Variants in SNN observed in about 807,000 individuals in gnomAD.
The protein encoded by SNN is stannin.
In SNN, 5 loss-of-function variants were observed where a neutral mutation model predicts 5.3. That is an observed-to-expected ratio of 0.94 (90% confidence interval 0.49 to 1.97). The LOEUF is 1.97. Among genes scored for constraint, SNN ranks in the 30% most tolerant of loss-of-function variants. The pLI is 0.01. For missense variants in SNN, 127 were observed against 121.6 expected, an observed-to-expected ratio of 1.04 and a Z score of -0.21; for synonymous variants, 67 against 52.1, an observed-to-expected ratio of 1.29 and a Z score of -1.24.
At chr16:11,675,410 C>G (rs8045300) in intron 1 of SNN, among the ~76,000 whole-genome samples, 86,724 of 151,710 alleles carry the variant, frequency 0.57, 25,335 homozygotes, top group African/African-American at 0.66. Flanking sequence ...TGGGATTACA[C>G]GCATGTGCCA....
rs1407108662 is a variant in SNN at position 11,676,071 on chromosome 16, G to A, written c.12G>A (p.Met4Ile). 1.2e-6 allele frequency: 2 copies of A among 1,605,684 alleles called. No homozygotes were observed. Among genetic ancestry groups the A allele is most frequent in the Non-Finnish European group, 1.7e-6 (2 of 1,174,782 alleles). Residue 4 changes from methionine to isoleucine, a missense_variant, in exon 2 of 2, where the codon ATG becomes ATA. Coordinates refer to ENST00000329565, the MANE Select transcript of SNN (RefSeq NM_003498.6). MSI[M>I]DHSPTTGVVT... ...CCCCAGCACTGACCATGTCTATTAT[G>A]GACCACAGCCCCACCACGGGCGTGG...
At chr16:11,675,258 C>CTTTTTTTTTTTTTTTTTTTTTTTT (rs769141223) in intron 1 of SNN, among the ~76,000 whole-genome samples, 2 of 125,310 alleles carry the variant, frequency 1.6e-5, no homozygotes, top group Non-Finnish European at 3.4e-5. Flanking sequence ...TTTTTTTTTT[C>CTTTTTTTTTTTTTTTTTTTTTTTT]TTTTTTTTTT....
In SNN at chr16:11,676,496, G is replaced by C; in HGVS notation, c.*170G>C. 1.2e-6 allele frequency: 1 copy of C among 826,408 alleles called. No individual in the cohort carries two copies. Among genetic ancestry groups the C allele is most frequent in the South Asian group, 1.8e-5 (1 of 54,470 alleles). The allele number at this position is 826,408 out of a possible 1,614,324, so 51.2% of individuals were successfully genotyped here. Reference sequence around the variant, plus strand: ...ATGCCCGGGGACCTGGCTGTCCTGGGCTTCCCCTCGGCCTCCAGGTGAGGC... The same window carrying C: ...ATGCCCGGGGACCTGGCTGTCCTGGCCTTCCCCTCGGCCTCCAGGTGAGGC... On this transcript the variant is annotated 3_prime_UTR_variant, in exon 2 of 2. Transcript: ENST00000329565.
rs563442368 is a variant in SNN, at chr16:11,675,765, C to T, written c.-85-210C>T. ...GCAGTGTTCCCGGCTCTGCCGCCAGCGAGGGTGACTCACCTGCCTGGTACA... is the reference window on the plus strand; with the variant it reads ...GCAGTGTTCCCGGCTCTGCCGCCAGTGAGGGTGACTCACCTGCCTGGTACA... On this transcript the variant is annotated intron_variant, in intron 1 of 1. Transcript: ENST00000329565. 2.0e-4 allele frequency among the ~76,000 whole-genome samples: 31 copies of T among 152,288 alleles called. No homozygotes were observed. The South Asian group carries it at 2.3e-3, about 11-fold the overall frequency.
rs1330181142 is a variant in SNN, at chr16:11,677,246, AG to A, written c.*922del. The stretch of plus-strand genomic sequence containing the variant: ...TTTTGGTCTGAAACCCACTTGGCCC[AG>A]GAAAGAGAAAAGGTTGTATGTTTTG... On this transcript the variant is annotated 3_prime_UTR_variant, in exon 2 of 2. Coordinates refer to ENST00000329565, the MANE Select transcript of SNN (RefSeq NM_003498.6). The surrounding 1 kb of genome is among the most constrained non-coding windows in gnomAD (Gnocchi z 4.2). 1.2e-5 allele frequency: 2 copies of A among 167,270 alleles called. No individual in the cohort carries two copies. The highest frequency in any genetic ancestry group is 2.4e-5 in the African/African-American group (1 of 41,468). The allele number at this position is 167,270 out of a possible 1,614,324, so 10.4% of individuals were successfully genotyped here. A position where few individuals can be genotyped will look rare whatever the true frequency, so the allele number is the denominator to read the frequency against.
At chr16:11,675,544 G>C (rs2141940922) in intron 1 of SNN, among the ~76,000 whole-genome samples, 1 of 152,236 alleles carries the variant, frequency 6.6e-6, no homozygotes, top group South Asian at 2.1e-4. Flanking sequence ...TGGAATTACA[G>C]GCATGAGTCA....
intron 1 of SNN, among the ~76,000 whole-genome samples, chr16:11,670,027 G>A (rs948992897): frequency 2.6e-5 from 4 of 152,196 alleles, no homozygotes; most frequent in Non-Finnish European, 4.4e-5. Flanking sequence ...TGTGTGATGC[G>A]TCCTTGTGTC....
At position 11,671,801 on chromosome 16, in the gene SNN, C is replaced by T. The variant is rs1220880126; in HGVS notation, c.-86+3261C>T. On this transcript the variant is annotated intron_variant, in intron 1 of 1. Coordinates refer to ENST00000329565, the MANE Select transcript of SNN (RefSeq NM_003498.6). The surrounding 1 kb of genome is among the most constrained non-coding windows in gnomAD (Gnocchi z 4.7). Reference sequence around the variant, plus strand: ...GGAAGAACAGACAGGTGGGGTCCAGCCAGGCACAGGGGCTTGTGGGGACCT... The same window carrying T: ...GGAAGAACAGACAGGTGGGGTCCAGTCAGGCACAGGGGCTTGTGGGGACCT... Among the ~76,000 whole-genome samples the T allele has an allele frequency of 6.6e-6, 1 of 152,180 alleles. No homozygotes were observed. The highest frequency in any genetic ancestry group is 1.5e-5 in the Non-Finnish European group (1 of 68,038).
Position 11,677,714 on chromosome 16 carries a change from AATTTT to A in SNN, c.*1393_*1397del, listed in dbSNP as rs1387572688. On this transcript the variant is annotated 3_prime_UTR_variant, in exon 2 of 2. Coordinates refer to ENST00000329565, the MANE Select transcript of SNN (RefSeq NM_003498.6). This position sits in a 1 kb window ranked among gnomAD's most constrained non-coding sequence, Gnocchi z 4.2. Reference sequence around the variant, plus strand: ...TTTAATCCCACCACAAGCACATACTAATTTTATTTATGATTCAAATGTGACTCGTG... The same window carrying A: ...TTTAATCCCACCACAAGCACATACTAATTTATGATTCAAATGTGACTCGTG... The A allele has an allele frequency of 4.2e-5, 7 of 166,944 alleles. No homozygotes were observed. The highest frequency in any genetic ancestry group is 1.3e-4 in the Admixed American group (2 of 15,284). 10.3% of individuals were successfully genotyped at this position (166,944 alleles called of 1,614,324 possible). A position where few individuals can be genotyped will look rare whatever the true frequency, so the allele number is the denominator to read the frequency against.
intron 1 of SNN, among the ~76,000 whole-genome samples, chr16:11,673,874 A>AT (rs1470010861): frequency 4.6e-5 from 7 of 152,106 alleles, no homozygotes; most frequent in Admixed American, 1.3e-4. Flanking sequence ...GGGCAGGGAG[A>AT]TCCTTAGCGC....
intron 1 of SNN, among the ~76,000 whole-genome samples, chr16:11,673,939 C>T (rs1218105893): frequency 6.6e-6 from 1 of 152,210 alleles, no homozygotes; most frequent in Non-Finnish European, 1.5e-5. Context: ...GGAGGGAGGG[C>T]ACCTCCTCTG....
chr16:11,673,424 G>C (rs2050278579), intron 1 of SNN, among the ~76,000 whole-genome samples: 1 of 152,198 alleles, frequency 6.6e-6, no homozygotes, highest in African/African-American at 2.4e-5. Flanking sequence ...CTGCTCCGGA[G>C]GGAAGGAGCC....
chr16:11,674,337 G>A (rs1688956313), intron 1 of SNN, among the ~76,000 whole-genome samples: 1 of 152,206 alleles, frequency 6.6e-6, no homozygotes, highest in Non-Finnish European at 1.5e-5. Flanking sequence ...GCAGGAGAGG[G>A]AAGAAAGTGC....
intron 1 of SNN, among the ~76,000 whole-genome samples, chr16:11,670,769 C>T (rs1242869667): frequency 1.3e-5 from 2 of 152,166 alleles, no homozygotes; most frequent in Non-Finnish European, 2.9e-5. Flanking sequence ...TCTGTGGGCC[C>T]CCCGGGCCTA....
chr16:11,675,247 CTTTTTTTTTTCT>C lies in SNN; in HGVS notation c.-85-717_-85-706del, dbSNP rs1319262277. Among the ~76,000 whole-genome samples, 16 of 136,816 alleles carry C rather than the reference CTTTTTTTTTTCT, an allele frequency of 1.2e-4. No homozygotes were observed. In the East Asian group the frequency reaches 3.5e-3, roughly 30 times the overall value. The allele number at this position is 136,816 out of a possible 152,430, so 89.8% of individuals were successfully genotyped here. A position where few individuals can be genotyped will look rare whatever the true frequency, so the allele number is the denominator to read the frequency against. On this transcript the variant is annotated intron_variant, in intron 1 of 1. Transcript: ENST00000329565. ...ACTGATGTCATTGTCATTTCTTTTT[CTTTTTTTTTTCT>C]TTTTTTTTTTTTTTTTTTGAAGAGA...
intron 1 of SNN, among the ~76,000 whole-genome samples, chr16:11,674,245 T>C (rs991784208): frequency 6.6e-6 from 1 of 152,180 alleles, no homozygotes; most frequent in Non-Finnish European, 1.5e-5. Flanking sequence ...CGCCCAGTCC[T>C]GTGTAGAACG....
chr16:11,675,414 T>C (rs1403665979), intron 1 of SNN, among the ~76,000 whole-genome samples: 2 of 152,192 alleles, frequency 1.3e-5, no homozygotes, highest in Non-Finnish European at 2.9e-5. Context: ...ATTACACGCA[T>C]GTGCCACCAT....
At chr16:11,670,821 A>G (rs8191283) in intron 1 of SNN, among the ~76,000 whole-genome samples, 4,703 of 152,272 alleles carry the variant, frequency 0.031, 246 homozygotes, top group African/African-American at 0.11. Flanking sequence ...AGGCTCAGAC[A>G]AGCCGGGGTC....
At position 11,679,141 on chromosome 16, in the gene SNN, A is replaced by G. The variant is rs2141945745; in HGVS notation, c.*2815A>G. ...ATAAATTTCAATAAAATTTGCATAA[A>G]TATATTCCCAATGTACAATTTTCAC... On this transcript the variant is annotated 3_prime_UTR_variant, in exon 2 of 2. Transcript: ENST00000329565. The surrounding 1 kb of genome is among the most constrained non-coding windows in gnomAD (Gnocchi z 4.6). 1 of 1,558,378 alleles carries G rather than the reference A, an allele frequency of 6.4e-7. No individual in the cohort carries two copies. The highest frequency in any genetic ancestry group is 2.3e-5 in the East Asian group (1 of 44,314).
Sources: allele counts gnomAD v4.1 joint callset (sites outside exome capture counted in the v4.1 genomes callset), GRCh38; gene constraint gnomAD v4.1.1; non-coding constraint Gnocchi (gnomAD v3.1); transcripts MANE v1.5; gene names NCBI Gene and HGNC (gene_info 2026-07-23, HGNC 2026-07-21).